Variants in GPM6A observed in about 807,000 individuals in gnomAD.
The protein encoded by GPM6A is neuronal membrane glycoprotein M6-a.
GPM6A carries 7 observed loss-of-function variants against 32.1 expected under a neutral mutation model. The observed-to-expected ratio is 0.22, with a 90% CI of 0.12 to 0.41. GPM6A has a LOEUF of 0.41. GPM6A is among the 10% of genes least tolerant of loss of function. GPM6A has a pLI of 1.00. For synonymous variants in GPM6A, 130 were observed against 123.4 expected (o/e 1.05, Z -0.35); for missense variants, 235 against 347.2 (o/e 0.68, Z 2.57).
At chr4:175,771,445 G>A (rs539895228) in intron 1 of GPM6A, among the ~76,000 whole-genome samples, 2 of 151,036 alleles carry the variant, frequency 1.3e-5, no homozygotes, top group South Asian at 4.2e-4. Context: ...GGTGGCACTC[G>A]CCTGTGTCCC....
chr4:175,918,017 A>ATC (rs1738549084), intron 1 of GPM6A, among the ~76,000 whole-genome samples: 1 of 152,108 alleles, frequency 6.6e-6, no homozygotes, highest in South Asian at 2.1e-4. Flanking sequence ...GATAAATCCC[A>ATC]TCAAGATAAA....
intron 1 of GPM6A, among the ~76,000 whole-genome samples, chr4:175,884,578 T>A (rs1262195386): frequency 6.6e-6 from 1 of 152,056 alleles, no homozygotes; most frequent in Admixed American, 6.6e-5. Flanking sequence ...GTTGCCCAGG[T>A]TGGAGTGCAT....
intron 1 of GPM6A, among the ~76,000 whole-genome samples, chr4:175,801,666 G>T (rs1422386413): frequency 1.3e-5 from 2 of 152,050 alleles, no homozygotes; most frequent in African/African-American, 4.8e-5. Flanking sequence ...ATACTTTAAA[G>T]ACTATGGAAT....
At chr4:175,828,634 C>A (rs1413032295) in intron 1 of GPM6A, among the ~76,000 whole-genome samples, 1 of 152,040 alleles carries the variant, frequency 6.6e-6, no homozygotes, top group Non-Finnish European at 1.5e-5. Flanking sequence ...AATCTTTTTA[C>A]TTCTGTGGCC....
chr4:175,696,914 C>G (rs1346216004), intron 2 of GPM6A, among the ~76,000 whole-genome samples: 6 of 152,022 alleles, frequency 3.9e-5, no homozygotes, highest in Admixed American at 6.6e-5. Flanking sequence ...AGAACAAAAT[C>G]TATATATCTA....
intron 1 of GPM6A, among the ~76,000 whole-genome samples, chr4:175,873,159 A>G (rs1434262340): frequency 6.6e-6 from 1 of 150,800 alleles, no homozygotes; most frequent in East Asian, 1.9e-4. Flanking sequence ...TTTTTTTCTC[A>G]GTTTAATGAA....
intron 6 of GPM6A, among the ~76,000 whole-genome samples, chr4:175,637,671 T>TTAA (rs1740838540): frequency 1.3e-4 from 1 of 7,710 alleles, no homozygotes; most frequent in Admixed American, 3.4e-3. Flanking sequence ...ATATAATATA[T>TTAA]ATAATATATA....
intron 1 of GPM6A, among the ~76,000 whole-genome samples, chr4:175,724,568 A>G (rs888171708): frequency 1.3e-5 from 2 of 152,120 alleles, no homozygotes; most frequent in Non-Finnish European, 1.5e-5. Context: ...TTTTTAACTT[A>G]TAGAATCAGA....
rs533508431 is a variant in GPM6A at position 175,752,442 on chromosome 4, T to A, written c.38-50675A>T. Among the ~76,000 whole-genome samples, 5 of 152,220 alleles carry A rather than the reference T, an allele frequency of 3.3e-5. No individual in the cohort carries two copies. In the South Asian group the frequency reaches 1.0e-3, roughly 32 times the overall value. ...TACTTGGAACTCTCCCATGTTTGCC[T>A]AATTATTGTCTCCTGGTCTTTCAAA... is the stretch of plus-strand genomic sequence containing the variant. On this transcript the variant is annotated intron_variant, in intron 1 of 6. Transcript: ENST00000393658.
At chr4:175,999,978 C>G (rs1156736872) in intron 1 of GPM6A, among the ~76,000 whole-genome samples, 1 of 152,008 alleles carries the variant, frequency 6.6e-6, no homozygotes, top group Admixed American at 6.6e-5. Context: ...TTCTATTTCC[C>G]CTATGCACTT....
chr4:175,753,197 A>G (rs186384626), intron 1 of GPM6A, among the ~76,000 whole-genome samples: 1 of 152,138 alleles, frequency 6.6e-6, no homozygotes, highest in Non-Finnish European at 1.5e-5. Context: ...CTTAACCAGA[A>G]AAAGAGTTTA....
In GPM6A at chr4:175,673,817, C is replaced by G. The variant is rs946537859; in HGVS notation, c.250G>C (p.Val84Leu). The G allele has an allele frequency of 6.2e-7, 1 of 1,604,126 alleles. No homozygotes were observed. Among genetic ancestry groups the G allele is most frequent in the African/African-American group, 1.3e-5 (1 of 74,826 alleles). Residue 84 changes from valine to leucine, a missense_variant, in exon 3 of 7, where the codon GTG (valine) becomes CTG (leucine). Coordinates refer to ENST00000393658, the MANE Select transcript of GPM6A (RefSeq NM_201591.3). ...VFTMIDIFKY[V>L]IYGIAAAFFV... is the part of the protein sequence containing the mutation. ...AACGCAGCTGCGATGCCGTAGATCA[C>G]ATACTTAAAGATGTCAATCCTGAGA...
chr4:175,840,350 T>C (rs1168773125), intron 1 of GPM6A, among the ~76,000 whole-genome samples: 1 of 152,178 alleles, frequency 6.6e-6, no homozygotes, highest in Non-Finnish European at 1.5e-5. Flanking sequence ...TTGAATCTCT[T>C]TGCATGTGGA....
chr4:175,856,598 C>T (rs1736424850), intron 1 of GPM6A, among the ~76,000 whole-genome samples: 2 of 152,156 alleles, frequency 1.3e-5, no homozygotes, highest in African/African-American at 2.4e-5. Context: ...CACAGTGCAT[C>T]CCAAATTCTT....
chr4:175,849,286 G>T (rs1287619722), intron 1 of GPM6A, among the ~76,000 whole-genome samples: 1 of 152,116 alleles, frequency 6.6e-6, no homozygotes, highest in Non-Finnish European at 1.5e-5. Flanking sequence ...ACTAATTCTG[G>T]CCAATGGATT....
chr4:175,829,408 A>G (rs1315823118), intron 1 of GPM6A, among the ~76,000 whole-genome samples: 1 of 152,158 alleles, frequency 6.6e-6, no homozygotes, highest in East Asian at 1.9e-4. Flanking sequence ...TTTAATACCA[A>G]CAATAATTTG....
intron 1 of GPM6A, among the ~76,000 whole-genome samples, chr4:175,852,349 C>A (rs1736285051): frequency 6.6e-6 from 1 of 151,976 alleles, no homozygotes; most frequent in African/African-American, 2.4e-5. Flanking sequence ...CTGATAAGAA[C>A]CAATGGATAC....
intron 3 of GPM6A, among the ~76,000 whole-genome samples, chr4:175,653,479 G>A (rs574497105): frequency 4.6e-5 from 7 of 152,084 alleles, no homozygotes; most frequent in Non-Finnish European, 5.9e-5. Flanking sequence ...ACTAAGATTT[G>A]GCAGACATAT....
At position 175,634,613 on chromosome 4, in the gene GPM6A, T is replaced by C; in HGVS notation, c.*292A>G. 1 of 277,652 alleles carries C rather than the reference T, an allele frequency of 3.6e-6. No individual in the cohort carries two copies. The highest frequency in any genetic ancestry group is 6.7e-6 in the Non-Finnish European group (1 of 149,178). The allele number at this position is 277,652 out of a possible 1,614,324, so 17.2% of individuals were successfully genotyped here. On this transcript the variant is annotated 3_prime_UTR_variant, in exon 7 of 7. Coordinates refer to ENST00000393658, the MANE Select transcript of GPM6A (RefSeq NM_201591.3). ...AGTGGTTAAAAATCAAACAAATCTTTGCATTTGACAATGTTAGTATCTTTG... is the reference window on the plus strand; with the variant it reads ...AGTGGTTAAAAATCAAACAAATCTTCGCATTTGACAATGTTAGTATCTTTG...
Sources: gnomAD v4.1 joint callset for allele counts (sites outside exome capture counted in the v4.1 genomes callset) on GRCh38, gnomAD v4.1.1 for gene constraint, MANE v1.5 for transcripts, NCBI Gene and HGNC (gene_info 2026-07-23, HGNC 2026-07-21) for gene names.